The following SGCD variants were observed in gnomAD, a reference collection of about 807,000 sequenced individuals.
SGCD encodes sarcoglycan delta, also known as delta-sarcoglycan.
SGCD carries 18 observed loss-of-function variants against 36.6 expected under a neutral mutation model. The observed-to-expected ratio is 0.49, with a 90% CI of 0.34 to 0.73. The LOEUF is 0.73. Among genes scored for constraint, SGCD ranks in the 30% least tolerant of loss-of-function variants. SGCD has a pLI of 0.01. For synonymous variants in SGCD, 133 were observed against 130.6 expected, an observed-to-expected ratio of 1.02 and a Z score of -0.12; for missense variants, 387 against 346.7, an observed-to-expected ratio of 1.12 and a Z score of -0.92.
intron 7 of SGCD, among the ~76,000 whole-genome samples, chr5:156,651,855 T>C (rs189612476): frequency 1.3e-5 from 2 of 152,164 alleles, no homozygotes; most frequent in Admixed American, 1.3e-4. Flanking sequence ...TTAGATTACA[T>C]TGGGCAGTAA....
At chr5:156,219,173 G>A (rs953562661) in intron 3 of SGCD, among the ~76,000 whole-genome samples, 1 of 152,086 alleles carries the variant, frequency 6.6e-6, no homozygotes, top group Non-Finnish European at 1.5e-5. Context: ...GCAACCTTGC[G>A]AAACTCATTG....
chr5:156,022,383 A>G (rs149716348), intron 1 of SGCD, among the ~76,000 whole-genome samples: 1 of 152,350 alleles, frequency 6.6e-6, no homozygotes, highest in African/African-American at 2.4e-5. Flanking sequence ...ATTAATTGTT[A>G]TTCTTAAAAC....
At chr5:156,501,623 C>T (rs1581085344) in intron 3 of SGCD, among the ~76,000 whole-genome samples, 2 of 152,208 alleles carry the variant, frequency 1.3e-5, no homozygotes, top group African/African-American at 2.4e-5. Context: ...CTGCCCCTAG[C>T]CTCTGCCTTT....
In SGCD at chr5:156,210,036, G is replaced by A. The variant is rs549081636; in HGVS notation, c.-44+86017G>A. 2.6e-5 allele frequency among the ~76,000 whole-genome samples: 4 copies of A among 152,206 alleles called. No individual in the cohort carries two copies. The East Asian group carries it at 7.7e-4, about 29-fold the overall frequency. On this transcript the variant is annotated intron_variant, in intron 3 of 9. Coordinates refer to the SGCD transcript ENST00000517913. The stretch of plus-strand genomic sequence containing the variant: ...TCCTGTGGACCCAGGCTTCAGATTT[G>A]CCCTTGTGGATACAGGCTGCAGGCC...
intron 3 of SGCD, among the ~76,000 whole-genome samples, chr5:156,455,252 G>A (rs891978998): frequency 2.0e-5 from 3 of 152,160 alleles, no homozygotes; most frequent in Admixed American, 2.0e-4. Context: ...GGCATAGCCA[G>A]TGTATGGCAG....
At chr5:156,504,079 C>T (rs940075372) in intron 3 of SGCD, among the ~76,000 whole-genome samples, 6 of 151,818 alleles carry the variant, frequency 4.0e-5, no homozygotes, top group African/African-American at 1.5e-4. Flanking sequence ...TGGTGGGCAC[C>T]TGTAATCTCA....
At chr5:156,738,367 C>T (rs555310018) in intron 7 of SGCD, among the ~76,000 whole-genome samples, 13 of 152,216 alleles carry the variant, frequency 8.5e-5, no homozygotes, top group African/African-American at 2.9e-4. Context: ...TTGGAAACCT[C>T]GAGTTCTGAG....
Position 156,154,805 on chromosome 5 carries a change from T to C in SGCD, c.-44+30786T>C, listed in dbSNP as rs547037541. Among the ~76,000 whole-genome samples, 11 of 151,816 alleles carry C rather than the reference T, an allele frequency of 7.2e-5. No homozygotes were observed. In the South Asian group the frequency reaches 1.7e-3, roughly 23 times the overall value. On this transcript the variant is annotated intron_variant, in intron 3 of 9. Transcript: ENST00000517913. The stretch of plus-strand genomic sequence containing the variant: ...TAGATAACTGATAGAAGTATTTTTT[T>C]CACCCAGTCATTTTTTTCTACTTTA...
rs146572247 is a variant in SGCD, at chr5:156,632,611, T to C, written c.503-14853T>C. ...CCAAGCTAGAGTTTGATGCCTGTTA[T>C]GAAGCATTGGAGAGAAAGGGAAATG... On this transcript the variant is annotated intron_variant, in intron 6 of 8. Coordinates refer to ENST00000337851, the MANE Select transcript of SGCD (RefSeq NM_000337.6). Among the ~76,000 whole-genome samples the C allele has an allele frequency of 1.2e-4, 19 of 152,326 alleles. No individual in the cohort carries two copies. The East Asian group carries it at 3.7e-3, about 29-fold the overall frequency.
chr5:155,796,667 G>T, the SGCD span, among the ~76,000 whole-genome samples: 4 of 151,762 alleles, frequency 2.6e-5, no homozygotes, highest in Non-Finnish European at 4.4e-5. Flanking sequence ...TCAGCTGGGT[G>T]TGGTGGTGCA....
At chr5:155,857,353 T>C in the SGCD span, among the ~76,000 whole-genome samples, 1 of 152,216 alleles carries the variant, frequency 6.6e-6, no homozygotes, top group African/African-American at 2.4e-5. Context: ...CTGTAGCAGC[T>C]TACTTTGCTA....
intron 1 of SGCD, among the ~76,000 whole-genome samples, chr5:156,050,114 G>A (rs531795878): frequency 1.4e-5 from 2 of 147,070 alleles, no homozygotes; most frequent in African/African-American, 4.9e-5. Flanking sequence ...AATTTTGAAA[G>A]AAGTTCTACT....
intron 1 of SGCD, among the ~76,000 whole-genome samples, chr5:156,010,475 C>T (rs1758836510): frequency 6.6e-6 from 1 of 152,108 alleles, no homozygotes; most frequent in South Asian, 2.1e-4. Flanking sequence ...TACATTGTTA[C>T]TCAATGCACA....
rs372077309 is a variant in SGCD at position 156,076,907 on chromosome 5, A to G, written c.-281-40971A>G. 7.9e-5 allele frequency among the ~76,000 whole-genome samples: 12 copies of G among 152,276 alleles called. No homozygotes were observed. In the South Asian group the frequency reaches 1.7e-3, roughly 21 times the overall value. On this transcript the variant is annotated intron_variant, in intron 1 of 9. Coordinates refer to the SGCD transcript ENST00000517913. ...CACAGAGAAACCAGTGAATAAAATTATTGCTATTTCTTTGTTGTTCACCAT... is the reference window on the plus strand; with the variant it reads ...CACAGAGAAACCAGTGAATAAAATTGTTGCTATTTCTTTGTTGTTCACCAT...
intron 4 of SGCD, among the ~76,000 whole-genome samples, chr5:156,526,639 A>G (rs1004253489): frequency 6.6e-6 from 1 of 152,202 alleles, no homozygotes; most frequent in Admixed American, 6.5e-5. Flanking sequence ...TGGAAGGGTC[A>G]TCTATAAGCC....
intron 3 of SGCD, among the ~76,000 whole-genome samples, chr5:156,363,301 G>A (rs146885366): frequency 1.8e-4 from 28 of 152,048 alleles, no homozygotes; most frequent in Non-Finnish European, 8.8e-5. Context: ...TAAAAGTATT[G>A]TTCTTTCCTT....
chr5:155,830,817 GA>G, the SGCD span, among the ~76,000 whole-genome samples: 1 of 152,154 alleles, frequency 6.6e-6, no homozygotes, highest in African/African-American at 2.4e-5. Context: ...TCTTCCCCCT[GA>G]TATTACCATT....
At chr5:156,184,508 A>G (rs903394456) in intron 3 of SGCD, among the ~76,000 whole-genome samples, 2 of 152,042 alleles carry the variant, frequency 1.3e-5, no homozygotes, top group South Asian at 2.1e-4. Flanking sequence ...CAAACTCCTG[A>G]TATTGCAATA....
chr5:156,638,647 A>G (rs1047121261), intron 6 of SGCD, among the ~76,000 whole-genome samples: 1 of 152,154 alleles, frequency 6.6e-6, no homozygotes, highest in Non-Finnish European at 1.5e-5. Flanking sequence ...TTTACTATCA[A>G]AAACGATGTA....
Sources: allele counts gnomAD v4.1 joint callset (sites outside exome capture counted in the v4.1 genomes callset), GRCh38; gene constraint gnomAD v4.1.1; transcripts MANE v1.5; gene names NCBI Gene and HGNC (gene_info 2026-07-23, HGNC 2026-07-21).